The following STAT1 variants were observed in gnomAD, a reference collection of about 807,000 sequenced individuals.
STAT1 encodes signal transducer and activator of transcription 1.
Under a neutral mutation model 111.7 loss-of-function variants are expected in STAT1, and 24 were observed. The ratio of observed to expected loss-of-function variants is 0.21; its 90% CI spans 0.16 to 0.30. STAT1 has a LOEUF of 0.30. STAT1 is among the 10% of genes least tolerant of loss of function. The pLI, the probability that STAT1 is intolerant of heterozygous loss-of-function variation, is 1.00. For synonymous variants in STAT1, 332 were observed against 326.5 expected (o/e 1.02, Z -0.18); for missense variants, 351 against 911.9 (o/e 0.38, Z 7.92).
rs1159588826 is a variant in STAT1, at chr2:190,997,345, T to C, written c.785+511A>G. 1.3e-5 allele frequency among the ~76,000 whole-genome samples: 2 copies of C among 152,194 alleles called. No homozygotes were observed. The highest frequency in any genetic ancestry group is 4.8e-5 in the African/African-American group (2 of 41,460). On this transcript the variant is annotated intron_variant, in intron 9 of 24. Coordinates refer to ENST00000361099, the MANE Select transcript of STAT1 (RefSeq NM_007315.4). The surrounding 1 kb of genome is among the most constrained non-coding windows in gnomAD (Gnocchi z 7.3). Reference sequence around the variant, plus strand: ...CTGGATACTTTTACCACACGAATTATTACCATGTCTACATCCCCCCCTCCA... The same window carrying C: ...CTGGATACTTTTACCACACGAATTACTACCATGTCTACATCCCCCCCTCCA...
Position 190,984,340 on chromosome 2 carries a change from C to T in STAT1, c.1317G>A (p.Leu439=), listed in dbSNP as rs1027635150. 3 of 1,613,932 alleles carry T rather than the reference C, an allele frequency of 1.9e-6. No homozygotes were observed. Among genetic ancestry groups the T allele is most frequent in the African/African-American group, 1.3e-5 (1 of 74,868 alleles). ...ELHSLSFETQ[L]CQPGLVIDLE... ...GGTCAATTACCAAACCAGGCTGGCACAATTGGGTTTCAAAACTAAGGGAGT... is the reference window on the plus strand; with the variant it reads ...GGTCAATTACCAAACCAGGCTGGCATAATTGGGTTTCAAAACTAAGGGAGT... The change falls in exon 16 of 25, where the codon TTG becomes TTA. Residue 439 remains leucine, a synonymous_variant. Transcript: ENST00000361099. The surrounding 1 kb of genome is among the most constrained non-coding windows in gnomAD (Gnocchi z 5.2).
intron 12 of STAT1, among the ~76,000 whole-genome samples, chr2:190,988,769 G>A (rs543984983): frequency 1.4e-4 from 21 of 152,324 alleles, no homozygotes; most frequent in African/African-American, 4.6e-4. Flanking sequence ...CACAGACCAT[G>A]CTATGAGGAA....
At position 190,983,610 on chromosome 2, in the gene STAT1, C is replaced by T; in HGVS notation, c.1446+32G>A. ...GTGAGAGCGTGGGGTCTCTGCTTAACCCTGGGACCAAAGCAAATGTGTTTT... is the reference window on the plus strand; with the variant it reads ...GTGAGAGCGTGGGGTCTCTGCTTAATCCTGGGACCAAAGCAAATGTGTTTT... On this transcript the variant is annotated intron_variant, in intron 17 of 24. Transcript: ENST00000361099. This position sits in a 1 kb window ranked among gnomAD's most constrained non-coding sequence, Gnocchi z 5.7. 1 of 1,596,430 alleles carries T rather than the reference C, an allele frequency of 6.3e-7. No individual in the cohort carries two copies. The highest frequency in any genetic ancestry group is 8.6e-7 in the Non-Finnish European group (1 of 1,163,934).
intron 4 of STAT1, among the ~76,000 whole-genome samples, 193 bp downstream of exon 4, chr2:191,008,770 T>C (rs930293011): frequency 1.3e-5 from 2 of 152,242 alleles, no homozygotes; most frequent in African/African-American, 4.8e-5. Context: ...TCCTTCTGTG[T>C]TTATAAAATA....
rs140108956 is a variant in STAT1, at chr2:190,974,896, G to T, written c.2172C>A (p.Leu724=). The T allele has an allele frequency of 5.0e-6, 8 of 1,614,122 alleles. No homozygotes were observed. Among genetic ancestry groups the T allele is most frequent in the Non-Finnish European group, 6.8e-6 (8 of 1,180,042 alleles). ...CGTCAAACTCCTCAGGAGACATGGG[G>T]AGCAGGTTGTCTGTGGTCTGAAGTC... ...PSRLQTTDNL[L]PMSPEEFDEV... Residue 724 remains leucine (L), a synonymous_variant, in exon 24 of 25, where the codon CTC becomes CTA. Coordinates refer to ENST00000361099, the MANE Select transcript of STAT1 (RefSeq NM_007315.4). The surrounding 1 kb of genome is among the most constrained non-coding windows in gnomAD (Gnocchi z 4.8).
chr2:190,974,117 C>G lies in STAT1; in HGVS notation c.2238+713G>C, dbSNP rs148740456. Reference sequence around the variant, plus strand: ...ATGTGGAAAAGAGCTTAAAATTAAACAGCATCAGCAAAAATCCAGCCAAGC... The same window carrying G: ...ATGTGGAAAAGAGCTTAAAATTAAAGAGCATCAGCAAAAATCCAGCCAAGC... On this transcript the variant is annotated intron_variant, in intron 24 of 24. Coordinates refer to ENST00000361099, the MANE Select transcript of STAT1 (RefSeq NM_007315.4). This position sits in a 1 kb window ranked among gnomAD's most constrained non-coding sequence, Gnocchi z 4.8. 2.0e-4 allele frequency among the ~76,000 whole-genome samples: 30 copies of G among 152,306 alleles called. No individual in the cohort carries two copies. Among genetic ancestry groups the G allele is most frequent in the African/African-American group, 7.0e-4 (29 of 41,544 alleles).
Position 190,977,081 on chromosome 2 carries a change from C to CA in STAT1, c.1874-57dup. ...TAGAACATCCCAAAATGAAAGAGGA[C>CA]AGAGAAATAAAACACTGCAGAGTTG... On this transcript the variant is annotated intron_variant, in intron 21 of 24. Transcript: ENST00000361099. This position sits in a 1 kb window ranked among gnomAD's most constrained non-coding sequence, Gnocchi z 4.7. The CA allele has an allele frequency of 6.4e-7, 1 of 1,570,348 alleles. No homozygotes were observed.
Position 191,010,309 on chromosome 2 carries a change from C to T in STAT1, c.-1-305G>A, listed in dbSNP as rs36077929. The T allele has an allele frequency of 0.14, 68,019 of 481,810 alleles. 5,389 individuals carry two copies. The highest frequency in any genetic ancestry group is 0.25 in the Middle Eastern group (792 of 3,162). 29.8% of individuals were successfully genotyped at this position (481,810 alleles called of 1,614,324 possible). A position where few individuals can be genotyped will look rare whatever the true frequency, so the allele number is the denominator to read the frequency against. On this transcript the variant is annotated intron_variant, in intron 2 of 24. Coordinates refer to ENST00000361099, the MANE Select transcript of STAT1 (RefSeq NM_007315.4). The stretch of plus-strand genomic sequence containing the variant: ...AACCACCTCCCACCCTGGAAACATG[C>T]TCTCTCTTTTCCCTGGTTTATTTTT...
chr2:190,990,803 C>T lies in STAT1; in HGVS notation c.1037+425G>A, dbSNP rs897856441. Among the ~76,000 whole-genome samples, 14 of 152,318 alleles carry T rather than the reference C, an allele frequency of 9.2e-5. 1 individual carries two copies. Among genetic ancestry groups the T allele is most frequent in the Admixed American group, 5.2e-4 (8 of 15,306 alleles). ...TTATATCACGGACTGCTTTGAGAAACTGATGAAAGCTATAAATCCATCCAT... is the reference window on the plus strand; with the variant it reads ...TTATATCACGGACTGCTTTGAGAAATTGATGAAAGCTATAAATCCATCCAT... On this transcript the variant is annotated intron_variant, in intron 11 of 24. Coordinates refer to ENST00000361099, the MANE Select transcript of STAT1 (RefSeq NM_007315.4). This position sits in a 1 kb window ranked among gnomAD's most constrained non-coding sequence, Gnocchi z 5.1.
At position 190,978,585 on chromosome 2, in the gene STAT1, C is replaced by G; in HGVS notation, c.1873+271G>C. On this transcript the variant is annotated intron_variant, in intron 21 of 24. Coordinates refer to ENST00000361099, the MANE Select transcript of STAT1 (RefSeq NM_007315.4). This position sits in a 1 kb window ranked among gnomAD's most constrained non-coding sequence, Gnocchi z 6.1. ...GGTTGCAGATTACATTGACTCACAT[C>G]CTTGATCTGCAGATAACAAACCTGA... 4.0e-6 allele frequency: 2 copies of G among 500,302 alleles called. No homozygotes were observed. Among genetic ancestry groups the G allele is most frequent in the South Asian group, 2.0e-5 (1 of 50,012 alleles). The allele number at this position is 500,302 out of a possible 1,614,324, so 31.0% of individuals were successfully genotyped here.
chr2:191,010,637 C>T (rs1363555319), intron 2 of STAT1, among the ~76,000 whole-genome samples: 1 of 138,340 alleles, frequency 7.2e-6, no homozygotes, highest in Non-Finnish European at 1.6e-5. Context: ...CAAATATTTT[C>T]AAACTTCTGT....
At chr2:190,972,725 TTTC>T (rs1399167809) in intron 24 of STAT1, among the ~76,000 whole-genome samples, 1 of 151,718 alleles carries the variant, frequency 6.6e-6, no homozygotes. Flanking sequence ...CTCTTTTTCT[TTTC>T]TTTTCTTTTT....
chr2:190,985,330 C>A (rs1692719679), intron 15 of STAT1, among the ~76,000 whole-genome samples: 1 of 152,198 alleles, frequency 6.6e-6, no homozygotes, highest in Non-Finnish European at 1.5e-5. Context: ...TTCTGTGAGT[C>A]AATTTCTTCA....
chr2:190,984,577 G>T lies in STAT1; in HGVS notation c.1264-184C>A, dbSNP rs1045526693. Among the ~76,000 whole-genome samples, 1 of 152,208 alleles carries T rather than the reference G, an allele frequency of 6.6e-6. No homozygotes were observed. The highest frequency in any genetic ancestry group is 2.4e-5 in the African/African-American group (1 of 41,438). The stretch of plus-strand genomic sequence containing the variant: ...CTTAGTATCTCAGTGTGCTCTGAAA[G>T]ATAAGTGTCTGAAGTTACGGCAAGG... On this transcript the variant is annotated intron_variant, in intron 15 of 24. Coordinates refer to ENST00000361099, the MANE Select transcript of STAT1 (RefSeq NM_007315.4). The surrounding 1 kb of genome is among the most constrained non-coding windows in gnomAD (Gnocchi z 5.2).
rs41464253 is a variant in STAT1 at position 191,010,883 on chromosome 2, A to C, written c.-1-879T>G. 4.1e-3 allele frequency among the ~76,000 whole-genome samples: 618 copies of C among 152,328 alleles called. 3 individuals are homozygous for C. Among genetic ancestry groups the C allele is most frequent in the African/African-American group, 0.014 (596 of 41,562 alleles). On this transcript the variant is annotated intron_variant, in intron 2 of 24. Coordinates refer to ENST00000361099, the MANE Select transcript of STAT1 (RefSeq NM_007315.4). ...CTAAAGATTCAAAATCACAACAAAA[A>C]CTTGATATAAGCAAGTCCTAAAATT...
Position 190,980,571 on chromosome 2 carries a change from A to G in STAT1, c.1632+49T>C. ...CACAGCAAGAAACATGAGAACCTCA[A>G]CCAAGAGCAAAAAGGACTTAGAGAG... On this transcript the variant is annotated intron_variant, in intron 19 of 24. Coordinates refer to ENST00000361099, the MANE Select transcript of STAT1 (RefSeq NM_007315.4). The surrounding 1 kb of genome is among the most constrained non-coding windows in gnomAD (Gnocchi z 6.1). 1 of 1,596,836 alleles carries G rather than the reference A, an allele frequency of 6.3e-7. No individual in the cohort carries two copies. Among genetic ancestry groups the G allele is most frequent in the Non-Finnish European group, 8.6e-7 (1 of 1,164,184 alleles).
Position 190,975,718 on chromosome 2 carries a change from G to A in STAT1, c.2135+94C>T, listed in dbSNP as rs1691857143. 1 of 1,574,144 alleles carries A rather than the reference G, an allele frequency of 6.4e-7. No individual in the cohort carries two copies. The highest frequency in any genetic ancestry group is 8.6e-7 in the Non-Finnish European group (1 of 1,159,382). ...CTGTGATGGCGATAGCAATTACAAT[G>A]GAAAAGTAAAATACAAGCATCTTCA... On this transcript the variant is annotated intron_variant, in intron 23 of 24. Coordinates refer to ENST00000361099, the MANE Select transcript of STAT1 (RefSeq NM_007315.4). This position sits in a 1 kb window ranked among gnomAD's most constrained non-coding sequence, Gnocchi z 5.9.
chr2:191,010,116 T>C lies in STAT1; in HGVS notation c.-1-112A>G, dbSNP rs772250065. Reference sequence around the variant, plus strand: ...TAAATATCTTGCTTAATCCAAAACATAGTTTGTCCCAGGAATATTTTATTT... The same window carrying C: ...TAAATATCTTGCTTAATCCAAAACACAGTTTGTCCCAGGAATATTTTATTT... On this transcript the variant is annotated intron_variant, in intron 2 of 24. Coordinates refer to ENST00000361099, the MANE Select transcript of STAT1 (RefSeq NM_007315.4). 73 of 1,245,856 alleles carry C rather than the reference T, an allele frequency of 5.9e-5. 1 individual carries two copies. Among genetic ancestry groups the C allele is most frequent in the Middle Eastern group, 1.9e-4 (1 of 5,248 alleles). The allele number at this position is 1,245,856 out of a possible 1,614,324, so 77.2% of individuals were successfully genotyped here. A position where few individuals can be genotyped will look rare whatever the true frequency, so the allele number is the denominator to read the frequency against.
In STAT1 at chr2:190,983,534, G is replaced by T; in HGVS notation, c.1446+108C>A. ...GCCTTAGAAATACCACAGGAGCTTTGTCACTTCTCCCTTAACAACTGGCCA... is the reference window on the plus strand; with the variant it reads ...GCCTTAGAAATACCACAGGAGCTTTTTCACTTCTCCCTTAACAACTGGCCA... On this transcript the variant is annotated intron_variant, in intron 17 of 24. Transcript: ENST00000361099. The surrounding 1 kb of genome is among the most constrained non-coding windows in gnomAD (Gnocchi z 5.7). 2 of 952,912 alleles carry T rather than the reference G, an allele frequency of 2.1e-6. No individual in the cohort carries two copies. Among genetic ancestry groups the T allele is most frequent in the Non-Finnish European group, 3.4e-6 (2 of 582,010 alleles). The allele number at this position is 952,912 out of a possible 1,614,324, so 59.0% of individuals were successfully genotyped here.
Sources: gnomAD v4.1 joint callset for allele counts (sites outside exome capture counted in the v4.1 genomes callset) on GRCh38, gnomAD v4.1.1 for gene constraint, Gnocchi (gnomAD v3.1) non-coding constraint, MANE v1.5 for transcripts, NCBI Gene and HGNC (gene_info 2026-07-23, HGNC 2026-07-21) for gene names.